THSD7A: variants seen among roughly 807,000 people sequenced by gnomAD.
The protein encoded by THSD7A is thrombospondin type-1 domain-containing protein 7A.
In THSD7A, 96 loss-of-function variants were observed where a neutral mutation model predicts 231.3. That is an observed-to-expected ratio of 0.41 (90% CI 0.35 to 0.49). The LOEUF (loss-of-function observed/expected upper bound fraction) is 0.49, where lower values mean the gene tolerates loss of function less well. Ranked by LOEUF, THSD7A falls within the 20% of genes least tolerant of loss-of-function variation. The pLI is 0.05. For synonymous variants in THSD7A, 940 were observed against 743.3 expected (o/e 1.26, Z -4.30); for missense variants, 2,290 against 2,070.2 (o/e 1.11, Z -2.06).
intron 1 of THSD7A, among the ~76,000 whole-genome samples, chr7:11,747,413 A>G (rs150994269): frequency 6.6e-6 from 1 of 152,098 alleles, no homozygotes; most frequent in African/African-American, 2.4e-5. Context: ...AAATAAAGTG[A>G]ATTTGAGAAT....
intron 8 of THSD7A, among the ~76,000 whole-genome samples, chr7:11,473,627 T>C (rs1583808452): frequency 2.0e-5 from 3 of 152,172 alleles, no homozygotes; most frequent in African/African-American, 7.2e-5. Flanking sequence ...CTCTATGAAG[T>C]GATTAGCTCA....
chr7:11,607,016 A>T (rs117562285), intron 2 of THSD7A, among the ~76,000 whole-genome samples: 5,075 of 151,668 alleles, frequency 0.033, 127 homozygotes, highest in Non-Finnish European at 0.051. Context: ...ATAATAAAAA[A>T]ATATATATAT....
chr7:11,386,674 G>C (rs1158975378), intron 23 of THSD7A, among the ~76,000 whole-genome samples: 3 of 152,208 alleles, frequency 2.0e-5, no homozygotes, highest in Non-Finnish European at 2.9e-5. Context: ...TGTTCACTCT[G>C]ATGATAGTTT....
At position 11,406,858 on chromosome 7, in the gene THSD7A, A is replaced by G. The variant is rs1783598954; in HGVS notation, c.4062+52T>C. The G allele has an allele frequency of 6.4e-7, 1 of 1,572,502 alleles. No homozygotes were observed. Among genetic ancestry groups the G allele is most frequent in the Non-Finnish European group, 8.7e-7 (1 of 1,151,852 alleles). ...TATTTTTATGTTTTTCTGCAGATGA[A>G]GTCTCTGCAGATAGAGTACACACTT... On this transcript the variant is annotated intron_variant, in intron 21 of 27. Coordinates refer to ENST00000423059, the MANE Select transcript of THSD7A (RefSeq NM_015204.3). The surrounding 1 kb of genome is among the most constrained non-coding windows in gnomAD (Gnocchi z 4.7).
chr7:11,376,926 C>T (rs1171163876), intron 26 of THSD7A: 4 of 281,476 alleles, frequency 1.4e-5, no homozygotes, highest in Non-Finnish European at 2.6e-5. Context: ...ACTTCAGCTG[C>T]CTTTCATCTC....
intron 9 of THSD7A, among the ~76,000 whole-genome samples, chr7:11,466,995 C>T (rs1033177255): frequency 1.3e-5 from 2 of 152,102 alleles, no homozygotes; most frequent in African/African-American, 2.4e-5. Context: ...GCACTATCTA[C>T]CCGCATAACA....
At chr7:11,744,557 A>C (rs1176879603) in intron 1 of THSD7A, among the ~76,000 whole-genome samples, 2 of 151,254 alleles carry the variant, frequency 1.3e-5, no homozygotes, top group Non-Finnish European at 2.9e-5. Context: ...TCATCATTTA[A>C]CATTAGGTAT....
intron 1 of THSD7A, among the ~76,000 whole-genome samples, chr7:11,719,544 G>A (rs1049922761): frequency 1.3e-5 from 2 of 151,146 alleles, no homozygotes; most frequent in Non-Finnish European, 3.0e-5. Context: ...ATTATCTAAG[G>A]TACTTCCATG....
Position 11,444,845 on chromosome 7 carries a change from A to T in THSD7A, c.3064+1216T>A, listed in dbSNP as rs1784914534. Among the ~76,000 whole-genome samples, 1 of 147,622 alleles carries T rather than the reference A, an allele frequency of 6.8e-6. No individual in the cohort carries two copies. Among genetic ancestry groups the T allele is most frequent in the South Asian group, 2.1e-4 (1 of 4,782 alleles). ...ATATAATTAAACTATATATATAATT[A>T]AACTATATATATAAAACTATCATTA... On this transcript the variant is annotated intron_variant, in intron 13 of 27. Coordinates refer to ENST00000423059, the MANE Select transcript of THSD7A (RefSeq NM_015204.3). This position sits in a 1 kb window ranked among gnomAD's most constrained non-coding sequence, Gnocchi z 4.2.
intron 1 of THSD7A, among the ~76,000 whole-genome samples, chr7:11,753,290 T>C (rs1007681673): frequency 1.3e-5 from 2 of 152,114 alleles, no homozygotes; most frequent in South Asian, 2.1e-4. Flanking sequence ...CTTGTAGATA[T>C]ATGTTTTGCA....
chr7:11,764,467 G>A (rs1415417962), intron 1 of THSD7A, among the ~76,000 whole-genome samples: 2 of 151,512 alleles, frequency 1.3e-5, no homozygotes, highest in Non-Finnish European at 2.9e-5. Flanking sequence ...TGTTGTCCCA[G>A]CTACTCGGGA....
chr7:11,476,628 G>A (rs964294238), intron 7 of THSD7A, among the ~76,000 whole-genome samples: 3 of 151,856 alleles, frequency 2.0e-5, no homozygotes, highest in Non-Finnish European at 4.4e-5. Context: ...ACCACCCTGG[G>A]CAGCACGGTG....
At chr7:11,393,816 G>A (rs1381886609) in intron 23 of THSD7A, among the ~76,000 whole-genome samples, 1 of 152,164 alleles carries the variant, frequency 6.6e-6, no homozygotes, top group Non-Finnish European at 1.5e-5. Flanking sequence ...AGATTAGAGA[G>A]AAAAGAATAA....
At chr7:11,820,681 C>T in intron 1 of THSD7A, 1 of 850,658 alleles carries the variant, frequency 1.2e-6, no homozygotes, top group Non-Finnish European at 2.0e-6. Context: ...AGACTTTAGT[C>T]CCCAGTCTCG....
In THSD7A at chr7:11,543,263, G is replaced by C. The variant is rs12699207; in HGVS notation, c.1454-146C>G. The C allele has an allele frequency of 0.41, 237,823 of 585,358 alleles. 50,723 individuals are homozygous for C. The highest frequency in any genetic ancestry group is 0.5 in the Middle Eastern group (1,097 of 2,180). 36.3% of individuals were successfully genotyped at this position (585,358 alleles called of 1,614,324 possible). ...TTCCAATGCTTCTCAGCCACATCCT[G>C]AGAATAAAAAGAGAACGAATGGAAA... On this transcript the variant is annotated intron_variant, in intron 4 of 27. Coordinates refer to ENST00000423059, the MANE Select transcript of THSD7A (RefSeq NM_015204.3).
rs377185012 is a variant in THSD7A, at chr7:11,535,614, GACATA to G, written c.1822+5800_1822+5804del. Among the ~76,000 whole-genome samples, 400 of 151,792 alleles carry G rather than the reference GACATA, an allele frequency of 2.6e-3. 2 individuals carry two copies. Among genetic ancestry groups the G allele is most frequent in the Non-Finnish European group, 2.0e-3 (136 of 67,880 alleles). On this transcript the variant is annotated intron_variant, in intron 6 of 27. Transcript: ENST00000423059. ...TAATTATATTTCAAACACATTAGAAGACATAACATTCTACAGGAAGGAAACTTTGT... is the reference window on the plus strand; with the variant it reads ...TAATTATATTTCAAACACATTAGAAGACATTCTACAGGAAGGAAACTTTGT...
chr7:11,785,430 T>G (rs1308001098), intron 1 of THSD7A, among the ~76,000 whole-genome samples: 1 of 152,132 alleles, frequency 6.6e-6, no homozygotes, highest in East Asian at 1.9e-4. Context: ...TTTCCATTTT[T>G]GTGAACTCAA....
intron 2 of THSD7A, among the ~76,000 whole-genome samples, chr7:11,612,435 C>T (rs1780966692): frequency 3.3e-5 from 5 of 152,146 alleles, no homozygotes; most frequent in Admixed American, 3.3e-4. Context: ...CAGTGTTTTG[C>T]CTCCTTTTTA....
intron 1 of THSD7A, among the ~76,000 whole-genome samples, chr7:11,775,963 CCTCA>C (rs368191597): frequency 3.3e-5 from 5 of 151,982 alleles, no homozygotes; most frequent in African/African-American, 1.2e-4. Flanking sequence ...ATGAAAATGC[CCTCA>C]CTATTATAAT....
Sources: gnomAD v4.1 joint callset for allele counts (sites outside exome capture counted in the v4.1 genomes callset) on GRCh38, gnomAD v4.1.1 for gene constraint, Gnocchi (gnomAD v3.1) non-coding constraint, MANE v1.5 for transcripts, NCBI Gene and HGNC (gene_info 2026-07-23, HGNC 2026-07-21) for gene names.